Variants in DOCK1 observed in about 807,000 individuals in gnomAD.
The protein encoded by DOCK1 is dedicator of cytokinesis protein 1.
In DOCK1, 138 loss-of-function variants were observed where a neutral mutation model predicts 262.7. The ratio of observed to expected loss-of-function variants is 0.53; its 90% CI spans 0.46 to 0.61. The LOEUF is 0.61. DOCK1 is among the 20% of genes least tolerant of loss of function. DOCK1 has a pLI of 0.00. For synonymous variants in DOCK1, 866 were observed against 867.4 expected, an observed-to-expected ratio of 1.00 and a Z score of 0.03; for missense variants, 1,908 against 2,370.7, an observed-to-expected ratio of 0.80 and a Z score of 4.05.
intron 23 of DOCK1, among the ~76,000 whole-genome samples, chr10:127,068,364 G>T (rs1397130519): frequency 6.6e-6 from 1 of 152,156 alleles, no homozygotes; most frequent in Non-Finnish European, 1.5e-5. Flanking sequence ...GATAATTTAA[G>T]ATCAGATGGA....
intron 43 of DOCK1, among the ~76,000 whole-genome samples, chr10:127,413,865 C>G (rs1476221618): frequency 1.3e-5 from 2 of 152,034 alleles, no homozygotes; most frequent in African/African-American, 4.8e-5. Context: ...TCCTATGGAA[C>G]GTAAGAAGTT....
At chr10:127,380,839 A>G (rs951152652) in intron 36 of DOCK1, among the ~76,000 whole-genome samples, 2 of 152,214 alleles carry the variant, frequency 1.3e-5, no homozygotes, top group Non-Finnish European at 2.9e-5. Context: ...TTAAGAACAT[A>G]CTATGTGAAT....
chr10:127,278,075 C>CA (rs757206331), intron 29 of DOCK1, among the ~76,000 whole-genome samples: 6 of 152,172 alleles, frequency 3.9e-5, no homozygotes, highest in Non-Finnish European at 8.8e-5. Flanking sequence ...CTGTAGACAC[C>CA]ACATGATCAC....
At position 127,261,306 on chromosome 10, in the gene DOCK1, T is replaced by C. The variant is rs868126181; in HGVS notation, c.3044+3877T>C. Among the ~76,000 whole-genome samples the C allele has an allele frequency of 1.2e-3, 134 of 110,112 alleles. 1 individual carries two copies. The highest frequency in any genetic ancestry group is 5.2e-3 in the Middle Eastern group (1 of 192). The allele number at this position is 110,112 out of a possible 152,430, so 72.2% of individuals were successfully genotyped here. On this transcript the variant is annotated intron_variant, in intron 29 of 51. Coordinates refer to ENST00000623213, the MANE Select transcript of DOCK1 (RefSeq NM_001290223.2). ...ATGTGTGTGCATGTGGGTGTGTGTG[T>C]GTGTGCCTGCATGTGTGTGCATGTG...
At chr10:127,379,228 C>T (rs2065694941) in intron 35 of DOCK1, among the ~76,000 whole-genome samples, 1 of 152,124 alleles carries the variant, frequency 6.6e-6, no homozygotes, top group Non-Finnish European at 1.5e-5. Flanking sequence ...GAGATGTTCA[C>T]CTTAAGAAAT....
At chr10:127,127,799 CTG>C (rs776226034) in intron 27 of DOCK1, 35 bp downstream of exon 27, 5 of 1,568,904 alleles carry the variant, frequency 3.2e-6, no homozygotes, top group Non-Finnish European at 4.4e-6. Context: ...GGATATTTAA[CTG>C]GGGCTGACAG....
At position 127,380,129 on chromosome 10, in the gene DOCK1, A is replaced by G. The variant is rs979994515; in HGVS notation, c.3716+7A>G. On this transcript the variant is annotated splice_region_variant and intron_variant, in intron 36 of 51. Transcript: ENST00000623213. ...GAGAAGAAATGTATATAAGGTATGT[A>G]TGCATCACGCTTGTCTGCATGTTAA... 4.0e-6 allele frequency: 6 copies of G among 1,498,368 alleles called. No individual in the cohort carries two copies. The highest frequency in any genetic ancestry group is 5.0e-5 in the East Asian group (2 of 40,164). 92.8% of individuals were successfully genotyped at this position (1,498,368 alleles called of 1,614,324 possible).
chr10:127,169,553 C>T (rs894218233), intron 27 of DOCK1, among the ~76,000 whole-genome samples: 1 of 152,220 alleles, frequency 6.6e-6, no homozygotes, highest in African/African-American at 2.4e-5. Context: ...CCAAATCTGG[C>T]TACCACCTGT....
intron 31 of DOCK1, among the ~76,000 whole-genome samples, chr10:127,348,945 A>G (rs780482884): frequency 2.0e-5 from 3 of 152,190 alleles, no homozygotes; most frequent in Non-Finnish European, 4.4e-5. Context: ...CAAGAGACTG[A>G]AATTATTCAA....
intron 29 of DOCK1, among the ~76,000 whole-genome samples, chr10:127,325,679 G>A (rs550712329): frequency 4.0e-4 from 61 of 152,318 alleles, no homozygotes; most frequent in African/African-American, 1.3e-3. Flanking sequence ...CTTGATAGCC[G>A]AACTCCTGTA....
intron 27 of DOCK1, among the ~76,000 whole-genome samples, chr10:127,202,323 C>CAAA (rs201719816): frequency 8.0e-6 from 1 of 125,594 alleles, no homozygotes; most frequent in African/African-American, 3.0e-5. Context: ...ACTCTGTCTC[C>CAAA]AAAAAAAAAA....
intron 27 of DOCK1, among the ~76,000 whole-genome samples, chr10:127,225,277 C>T (rs2058593617): frequency 6.6e-6 from 1 of 152,192 alleles, no homozygotes; most frequent in Non-Finnish European, 1.5e-5. Context: ...AAAACAAATA[C>T]ATCTTAGTCA....
intron 50 of DOCK1, among the ~76,000 whole-genome samples, 193 bp from the exon 51 acceptor site, chr10:127,447,201 G>A (rs549522377): frequency 1.3e-5 from 2 of 152,274 alleles, no homozygotes; most frequent in Admixed American, 1.3e-4. Flanking sequence ...CTAGAACATT[G>A]CCGTTAGGAG....
chr10:127,021,330 T>G (rs1471118349), intron 13 of DOCK1, among the ~76,000 whole-genome samples: 1 of 152,150 alleles, frequency 6.6e-6, no homozygotes, highest in African/African-American at 2.4e-5. Flanking sequence ...CATGCCTGGC[T>G]AATCTTTTTA....
In DOCK1 at chr10:127,388,079, C is replaced by T. The variant is rs150290241; in HGVS notation, c.3927+3170C>T. On this transcript the variant is annotated intron_variant, in intron 38 of 51. Transcript: ENST00000623213. ...TGGCCCCCACACCACAAAGAAATAG[C>T]CCAGAATCCCTGTCGTGTCCAGGTT... 3.3e-4 allele frequency among the ~76,000 whole-genome samples: 50 copies of T among 152,222 alleles called. No homozygotes were observed. In the East Asian group the frequency reaches 8.7e-3, roughly 26 times the overall value.
At chr10:127,265,309 C>T (rs2060315130) in intron 29 of DOCK1, among the ~76,000 whole-genome samples, 1 of 152,078 alleles carries the variant, frequency 6.6e-6, no homozygotes. Context: ...TCCTTTCAAA[C>T]TTTGAAATTT....
At chr10:127,333,057 G>T (rs747825283) in intron 29 of DOCK1, among the ~76,000 whole-genome samples, 1 of 150,720 alleles carries the variant, frequency 6.6e-6, no homozygotes, top group Non-Finnish European at 1.5e-5. Context: ...TCATTTTTCT[G>T]CAGGGATGGA....
intron 13 of DOCK1, among the ~76,000 whole-genome samples, chr10:127,020,805 C>T (rs1301786551): frequency 6.6e-6 from 1 of 152,154 alleles, no homozygotes; most frequent in East Asian, 1.9e-4. Context: ...GTCTGTCTCG[C>T]TGTCTTTAGC....
At chr10:126,912,455 G>A (rs1037413615) in intron 1 of DOCK1, among the ~76,000 whole-genome samples, 6 of 150,892 alleles carry the variant, frequency 4.0e-5, no homozygotes, top group Non-Finnish European at 7.4e-5. Context: ...GACCGGGCGC[G>A]GTGGCTCACG....
Sources: allele counts gnomAD v4.1 joint callset (sites outside exome capture counted in the v4.1 genomes callset), GRCh38; gene constraint gnomAD v4.1.1; transcripts MANE v1.5; gene names NCBI Gene and HGNC (gene_info 2026-07-23, HGNC 2026-07-21).